PRKG1: variants seen among roughly 807,000 people sequenced by gnomAD.
The protein encoded by PRKG1 is cGMP-dependent protein kinase 1.
Under a neutral mutation model 88.1 loss-of-function variants are expected in PRKG1, and 35 were observed. The observed-to-expected ratio is 0.40, with a 90% CI of 0.30 to 0.53. The LOEUF is 0.53. Ranked by LOEUF, PRKG1 falls within the 20% of genes least tolerant of loss-of-function variation. The pLI is 0.59. For synonymous variants in PRKG1, 303 were observed against 292.5 expected, an observed-to-expected ratio of 1.04 and a Z score of -0.37; for missense variants, 540 against 839.8, an observed-to-expected ratio of 0.64 and a Z score of 4.41.
intron 3 of PRKG1, among the ~76,000 whole-genome samples, chr10:51,500,108 G>C (rs148464580): frequency 2.3e-4 from 35 of 152,216 alleles, no homozygotes; most frequent in Middle Eastern, 3.4e-3. Flanking sequence ...GTTCATGAAA[G>C]TGTTTTTTAT....
chr10:51,354,947 C>T (rs1403126829), intron 2 of PRKG1, among the ~76,000 whole-genome samples: 1 of 152,000 alleles, frequency 6.6e-6, no homozygotes, highest in East Asian at 1.9e-4. Flanking sequence ...AGCATGGTAG[C>T]AAATGTCTGG....
rs890851147 is a variant in PRKG1 at position 51,001,724 on chromosome 10, A to G, written c.266+10080A>G. Among the ~76,000 whole-genome samples the G allele has an allele frequency of 5.3e-5, 8 of 152,312 alleles. No individual in the cohort carries two copies. The South Asian group carries it at 1.5e-3, about 28-fold the overall frequency. On this transcript the variant is annotated intron_variant, in intron 1 of 17. Coordinates refer to the PRKG1 transcript ENST00000401604. ...TAGAAGTACCCTCCTAAATGTAGGA[A>G]AAACAACAAAAAAGAGGTGGTACGG...
At chr10:51,077,412 CT>C (rs1220382616) in intron 1 of PRKG1, among the ~76,000 whole-genome samples, 3 of 151,964 alleles carry the variant, frequency 2.0e-5, no homozygotes, top group South Asian at 2.1e-4. Context: ...TTTTGATTCT[CT>C]TTTTTTTAGA....
intron 2 of PRKG1, chr10:51,299,706 G>C (rs964753987): frequency 2.3e-6 from 1 of 435,978 alleles, no homozygotes; most frequent in African/African-American, 2.1e-5. Flanking sequence ...CAGGTATATT[G>C]CTCTCTGCAC....
At chr10:51,235,168 G>C (rs1589266701) in intron 2 of PRKG1, among the ~76,000 whole-genome samples, 1 of 152,106 alleles carries the variant, frequency 6.6e-6, no homozygotes, top group Non-Finnish European at 1.5e-5. Flanking sequence ...AAGAAGAAGA[G>C]CTTTCAACTC....
chr10:51,552,749 T>C (rs1361407293), intron 3 of PRKG1, among the ~76,000 whole-genome samples: 1 of 151,650 alleles, frequency 6.6e-6, no homozygotes, highest in Admixed American at 6.6e-5. Context: ...TGAAATCAAG[T>C]ATCTTTTCTG....
intron 5 of PRKG1, among the ~76,000 whole-genome samples, chr10:52,008,311 A>G (rs1324842254): frequency 6.6e-6 from 1 of 152,112 alleles, no homozygotes; most frequent in Non-Finnish European, 1.5e-5. Flanking sequence ...AACGTGTAAA[A>G]CCACATAATA....
At chr10:52,101,924 C>G (rs1847302465) in intron 7 of PRKG1, among the ~76,000 whole-genome samples, 1 of 152,154 alleles carries the variant, frequency 6.6e-6, no homozygotes, top group Admixed American at 6.5e-5. Context: ...GGACTTAAGG[C>G]AGGAAGGAAT....
At chr10:51,081,165 C>G (rs893002128) in intron 1 of PRKG1, among the ~76,000 whole-genome samples, 5 of 152,062 alleles carry the variant, frequency 3.3e-5, no homozygotes, top group African/African-American at 9.7e-5. Flanking sequence ...TCTTTTTCAG[C>G]TTCTAGAGGC....
At chr10:51,265,802 G>C (rs112092280) in intron 2 of PRKG1, among the ~76,000 whole-genome samples, 1 of 152,170 alleles carries the variant, frequency 6.6e-6, no homozygotes, top group Admixed American at 6.5e-5. Context: ...ACATTAGCCC[G>C]AAAGGATTAA....
chr10:52,015,812 CT>C (rs1333884559), intron 5 of PRKG1, among the ~76,000 whole-genome samples: 1 of 152,184 alleles, frequency 6.6e-6, no homozygotes, highest in East Asian at 1.9e-4. Flanking sequence ...GCTAAATTAT[CT>C]CTCTCAAGTT....
At chr10:51,697,973 C>T (rs773095056) in intron 3 of PRKG1, 23 of 1,604,246 alleles carry the variant, frequency 1.4e-5, no homozygotes, top group Admixed American at 1.2e-4. Context: ...CTGCATCCCT[C>T]CTCCTTGTAT....
intron 9 of PRKG1, among the ~76,000 whole-genome samples, chr10:52,189,377 G>A (rs77057741): frequency 1.3e-5 from 2 of 152,106 alleles, no homozygotes; most frequent in African/African-American, 4.8e-5. Context: ...CCAGACCAGG[G>A]GTTCCCAATC....
intron 2 of PRKG1, among the ~76,000 whole-genome samples, chr10:51,162,142 T>A (rs1392659712): frequency 6.6e-6 from 1 of 152,226 alleles, no homozygotes; most frequent in African/African-American, 2.4e-5. Context: ...GAATGTTTAG[T>A]AATTGTTTTG....
chr10:51,164,206 G>A (rs1846459612), intron 2 of PRKG1, among the ~76,000 whole-genome samples: 1 of 152,174 alleles, frequency 6.6e-6, no homozygotes, highest in Admixed American at 6.5e-5. Flanking sequence ...AGAACTTCCA[G>A]AGGAACGATC....
chr10:51,086,007 C>G (rs1844237620), intron 1 of PRKG1, among the ~76,000 whole-genome samples: 1 of 152,176 alleles, frequency 6.6e-6, no homozygotes, highest in Non-Finnish European at 1.5e-5. Flanking sequence ...AAAATTGTGA[C>G]TTGCCTGATT....
chr10:52,208,224 G>A (rs1354264332), intron 9 of PRKG1, among the ~76,000 whole-genome samples: 3 of 152,124 alleles, frequency 2.0e-5, no homozygotes, highest in Non-Finnish European at 4.4e-5. Flanking sequence ...TTGAATGTGA[G>A]TCTTCCTTTC....
chr10:51,884,444 C>CAAAAAAA (rs57229967), intron 4 of PRKG1, among the ~76,000 whole-genome samples: 11 of 70,026 alleles, frequency 1.6e-4, no homozygotes, highest in Non-Finnish European at 2.2e-4. Flanking sequence ...AACTCCGTCT[C>CAAAAAAA]AAAAAAAAAA....
intron 5 of PRKG1, among the ~76,000 whole-genome samples, chr10:51,917,367 AC>A (rs1842366131): frequency 6.6e-6 from 1 of 152,112 alleles, no homozygotes; most frequent in South Asian, 2.1e-4. Flanking sequence ...GGTGATAAAA[AC>A]ATTCTAAAAT....
Sources: allele counts gnomAD v4.1 joint callset (sites outside exome capture counted in the v4.1 genomes callset), GRCh38; gene constraint gnomAD v4.1.1; transcripts MANE v1.5; gene names NCBI Gene and HGNC (gene_info 2026-07-23, HGNC 2026-07-21).